The following GPR151 variants were observed in gnomAD, a reference collection of about 807,000 sequenced individuals.
The protein encoded by GPR151 is G protein-coupled receptor 151, also known as G-protein coupled receptor PGR7.
A neutral mutation model predicts 18.2 loss-of-function variants in GPR151; 16 were observed. The observed-to-expected ratio is 0.88, with a 90% CI of 0.60 to 1.34. The LOEUF (loss-of-function observed/expected upper bound fraction) is 1.34. Among genes scored for constraint, GPR151 ranks in the 40% most tolerant of loss-of-function variants. The pLI is 0.00. For synonymous variants in GPR151, 202 were observed against 191.2 expected (o/e 1.06, Z -0.47); for missense variants, 509 against 504.3 (o/e 1.01, Z -0.09).
Position 146,515,239 on chromosome 5 carries a change from T to G in GPR151, c.875A>C (p.Gln292Pro). 1.9e-6 allele frequency: 3 copies of G among 1,614,056 alleles called. No individual in the cohort carries two copies. Among genetic ancestry groups the G allele is most frequent in the Non-Finnish European group, 2.5e-6 (3 of 1,179,992 alleles). Residue 292 changes from glutamine to proline, a missense_variant, in exon 1 of 1, where the codon CAA becomes CCA. Transcript: ENST00000311104. Reference protein sequence around the residue: ...APPQGFIALSQVLMFSISSAN... With the variant: ...APPQGFIALSPVLMFSISSAN... The stretch of plus-strand genomic sequence containing the variant: ...TGAAGAGATGGAAAACATCAAGACT[T>G]GAGACAGGGCTATGAAACCTTGTGG...
Position 146,515,070 on chromosome 5 carries a change from G to A in GPR151, c.1044C>T (p.Asp348=), listed in dbSNP as rs778872734. 1.2e-6 allele frequency: 2 copies of A among 1,614,172 alleles called. No individual in the cohort carries two copies. Among genetic ancestry groups the A allele is most frequent in the Non-Finnish European group, 1.7e-6 (2 of 1,180,012 alleles). Residue 348 remains aspartate (D), a synonymous_variant, in exon 1 of 1, where the codon GAC becomes GAT. Coordinates refer to ENST00000311104, the MANE Select transcript of GPR151 (RefSeq NM_194251.3). ...TPAGNSEGLP[D]KVPSPESPAS... is the part of the protein sequence containing the mutation. Reference sequence around the variant, plus strand: ...CTGGGGATTCTGGAGATGGAACCTTGTCAGGAAGACCCTCTGAGTTGCCAG... The same window carrying A: ...CTGGGGATTCTGGAGATGGAACCTTATCAGGAAGACCCTCTGAGTTGCCAG...
chr5:146,515,220 G>A lies in GPR151; in HGVS notation c.894C>T (p.Ile298=). The A allele has an allele frequency of 6.2e-7, 1 of 1,614,172 alleles. No homozygotes were observed. The highest frequency in any genetic ancestry group is 8.5e-7 in the Non-Finnish European group (1 of 1,180,032). ...IALSQVLMFS[I]SSANPLIFLV... ...GAAAAATGAGAGGATTTGCTGAAGAGATGGAAAACATCAAGACTTGAGACA... is the reference window on the plus strand; with the variant it reads ...GAAAAATGAGAGGATTTGCTGAAGAAATGGAAAACATCAAGACTTGAGACA... The change falls in exon 1 of 1, where the codon ATC becomes ATT. Residue 298 remains isoleucine, a synonymous_variant. Transcript: ENST00000311104.
In GPR151 at chr5:146,514,449, T is replaced by G. The variant is rs1443078507; in HGVS notation, c.*405A>C. ...TGAAATACAATTTAGTAGGTAAAAT[T>G]AGGACTAGCAGGTCCTGGGTGAAAC... On this transcript the variant is annotated 3_prime_UTR_variant, in exon 1 of 1. Coordinates refer to ENST00000311104, the MANE Select transcript of GPR151 (RefSeq NM_194251.3). 6.1e-6 allele frequency: 1 copy of G among 162,846 alleles called. No individual in the cohort carries two copies. The highest frequency in any genetic ancestry group is 1.3e-5 in the Non-Finnish European group (1 of 75,390). 10.1% of individuals were successfully genotyped at this position (162,846 alleles called of 1,614,324 possible).
At position 146,513,254 on chromosome 5, in the gene GPR151, A is replaced by G. The variant is rs1768544112; in HGVS notation, c.*1600T>C. The stretch of plus-strand genomic sequence containing the variant: ...AATGATAATCCTTTTTATAACTACC[A>G]TATCACAAGACAATATTTTGGATTC... On this transcript the variant is annotated 3_prime_UTR_variant, in exon 1 of 1. Transcript: ENST00000311104. 6.6e-6 allele frequency: 1 copy of G among 152,212 alleles called. No homozygotes were observed. Among genetic ancestry groups the G allele is most frequent in the Admixed American group, 6.5e-5 (1 of 15,284 alleles). The allele number at this position is 152,212 out of a possible 1,614,324, so 9.4% of individuals were successfully genotyped here.
At position 146,515,323 on chromosome 5, in the gene GPR151, A is replaced by G. The variant is rs779193464; in HGVS notation, c.791T>C (p.Leu264Pro). 54 of 1,614,022 alleles carry G rather than the reference A, an allele frequency of 3.3e-5. No homozygotes were observed. The highest frequency in any genetic ancestry group is 4.4e-5 in the Non-Finnish European group (52 of 1,180,034). Residue 264 changes from leucine to proline, a missense_variant, in exon 1 of 1, where the codon CTC becomes CCC. Coordinates refer to ENST00000311104, the MANE Select transcript of GPR151 (RefSeq NM_194251.3). ...CCACAGCCAAGCTACCCATTCGGGGAGCCACAAGAGAGCAGAGATGATGGC... is the reference window on the plus strand; with the variant it reads ...CCACAGCCAAGCTACCCATTCGGGGGGCCACAAGAGAGCAGAGATGATGGC... ...SIAIISALLW[L>P]PEWVAWLWVW... is the part of the protein sequence containing the mutation.
chr5:146,515,308 G>A lies in GPR151; in HGVS notation c.806C>T (p.Ala269Val). 1 of 1,614,170 alleles carries A rather than the reference G, an allele frequency of 6.2e-7. No individual in the cohort carries two copies. The highest frequency in any genetic ancestry group is 8.5e-7 in the Non-Finnish European group (1 of 1,180,034). The change falls in exon 1 of 1, where the codon GCT becomes GTT. Residue 269 changes from alanine (A) to valine (V), a missense_variant. Physicochemically the swap from Ala to Val is moderately conservative, Grantham distance 64. Transcript: ENST00000311104. ...SALLWLPEWV[A>V]WLWVWHLKAA... ...CTTCAGATGCCATACCCACAGCCAA[G>A]CTACCCATTCGGGGAGCCACAAGAG...
At position 146,515,082 on chromosome 5, in the gene GPR151, C is replaced by T; in HGVS notation, c.1032G>A (p.Glu344=). Reference sequence around the variant, plus strand: ...GAGATGGAACCTTGTCAGGAAGACCCTCTGAGTTGCCAGCTGGTGTTTCCT... The same window carrying T: ...GAGATGGAACCTTGTCAGGAAGACCTTCTGAGTTGCCAGCTGGTGTTTCCT... ...ESQETPAGNS[E]GLPDKVPSPE... Residue 344 remains glutamate, a synonymous_variant, in exon 1 of 1, where the codon GAG becomes GAA. Transcript: ENST00000311104. The T allele has an allele frequency of 1.9e-6, 3 of 1,614,150 alleles. No homozygotes were observed. Among genetic ancestry groups the T allele is most frequent in the East Asian group, 2.2e-5 (1 of 44,876 alleles).
rs894526763 is a variant in GPR151, at chr5:146,514,680, C to A, written c.*174G>T. ...AGTTCTAATTCTGAAACAATTATTA[C>A]TTCTAACATGGTTCTCTACTTACCA... On this transcript the variant is annotated 3_prime_UTR_variant, in exon 1 of 1. Coordinates refer to ENST00000311104, the MANE Select transcript of GPR151 (RefSeq NM_194251.3). 3.7e-6 allele frequency: 2 copies of A among 540,466 alleles called. No homozygotes were observed. The highest frequency in any genetic ancestry group is 6.6e-5 in the South Asian group (2 of 30,476). 33.5% of individuals were successfully genotyped at this position (540,466 alleles called of 1,614,324 possible).
chr5:146,516,047 AGTGGAG>A lies in GPR151; in HGVS notation c.61_66del (p.Leu21_His22del), dbSNP rs746699465. On this transcript the variant is annotated inframe_deletion, in exon 1 of 1. Coordinates refer to ENST00000311104, the MANE Select transcript of GPR151 (RefSeq NM_194251.3). Reference sequence around the variant, plus strand: ...TCAGAGGGCAGGTACCCTCCGGCAAAGTGGAGGTGAGCAAAGGACACATTCATGCTG... The same window carrying A: ...TCAGAGGGCAGGTACCCTCCGGCAAAGTGAGCAAAGGACACATTCATGCTG... The A allele has an allele frequency of 6.2e-7, 1 of 1,614,056 alleles. No individual in the cohort carries two copies. Among genetic ancestry groups the A allele is most frequent in the Non-Finnish European group, 8.5e-7 (1 of 1,180,012 alleles).
Position 146,515,409 on chromosome 5 carries a change from C to A in GPR151, c.705G>T (p.Lys235Asn). ...AYDQCKKRGT[K>N]TQNLRNQIRS... ...GTATCTGGTTTCTAAGATTTTGAGT[C>A]TTAGTTCCTCGTTTTTTACATTGGT... Residue 235 changes from lysine to asparagine, a missense_variant, in exon 1 of 1, where the codon AAG becomes AAT. Coordinates refer to ENST00000311104, the MANE Select transcript of GPR151 (RefSeq NM_194251.3). The A allele has an allele frequency of 6.2e-7, 1 of 1,614,116 alleles. No homozygotes were observed.
rs758402328 is a variant in GPR151 at position 146,514,911 on chromosome 5, G to A, written c.1203C>T (p.Asp401=). The change falls in exon 1 of 1, where the codon GAC becomes GAT. Residue 401 remains aspartate (D), a synonymous_variant. Coordinates refer to ENST00000311104, the MANE Select transcript of GPR151 (RefSeq NM_194251.3). The part of the protein sequence containing the change: ...HERDTVPSVQ[D]NDPIPWEHED... The stretch of plus-strand genomic sequence containing the variant: ...CATGTTCCCAGGGGATAGGGTCATT[G>A]TCCTGTACAGAAGGGACTGTGTCCC... The A allele has an allele frequency of 6.2e-7, 1 of 1,613,734 alleles. No homozygotes were observed. The highest frequency in any genetic ancestry group is 1.1e-5 in the South Asian group (1 of 91,040).
chr5:146,513,363 T>G lies in GPR151; in HGVS notation c.*1491A>C, dbSNP rs1186557008. The G allele has an allele frequency of 6.6e-6, 1 of 152,088 alleles. No individual in the cohort carries two copies. The highest frequency in any genetic ancestry group is 2.4e-5 in the African/African-American group (1 of 41,416). 9.4% of individuals were successfully genotyped at this position (152,088 alleles called of 1,614,324 possible). On this transcript the variant is annotated 3_prime_UTR_variant, in exon 1 of 1. Transcript: ENST00000311104. ...GATGTAAAAAGAATACAGCCCTACC[T>G]CCTGTGTTAAAAAGCAAACTATGAC...
chr5:146,515,435 C>A lies in GPR151; in HGVS notation c.679G>T (p.Asp227Tyr), dbSNP rs1561719165. 2.5e-6 allele frequency: 4 copies of A among 1,613,944 alleles called. No individual in the cohort carries two copies. Among genetic ancestry groups the A allele is most frequent in the Non-Finnish European group, 3.4e-6 (4 of 1,179,998 alleles). ...TTAGTTCCTCGTTTTTTACATTGGT[C>A]ATAAGCTCTCCAGAAATAAAAGCTG... is the stretch of plus-strand genomic sequence containing the variant. Reference protein sequence around the residue: ...FASFYFWRAYDQCKKRGTKTQ... With the variant: ...FASFYFWRAYYQCKKRGTKTQ... The change falls in exon 1 of 1, where the codon GAC (aspartate) becomes TAC (tyrosine). Residue 227 changes from aspartate (D) to tyrosine (Y), a missense_variant. Physicochemically the swap from Asp to Tyr is radical, Grantham distance 160. Transcript: ENST00000311104.
Position 146,514,637 on chromosome 5 carries a change from A to G in GPR151, c.*217T>C. 2.0e-6 allele frequency: 1 copy of G among 499,284 alleles called. No individual in the cohort carries two copies. The allele number at this position is 499,284 out of a possible 1,614,324, so 30.9% of individuals were successfully genotyped here. On this transcript the variant is annotated 3_prime_UTR_variant, in exon 1 of 1. Transcript: ENST00000311104. ...ACAGCAACATCTTTACACAACACTT[A>G]AATTGTTTGGGAAGCCAAGTTCTAA...
rs1239817691 is a variant in GPR151, at chr5:146,515,977, A to G, written c.137T>C (p.Val46Ala). The change falls in exon 1 of 1, where the codon GTC becomes GCC. Residue 46 changes from valine to alanine, a missense_variant. By Grantham distance (64) the Val-to-Ala change is moderately conservative (BLOSUM62 0). Coordinates refer to ENST00000311104, the MANE Select transcript of GPR151 (RefSeq NM_194251.3). ...RTIIPALLVA[V>A]CLVGFVGNLC... The stretch of plus-strand genomic sequence containing the variant: ...GTTTCCCACGAAGCCCACCAGGCAG[A>G]CAGCCACCAAGAGAGCCGGGATGAT... 6 of 1,614,086 alleles carry G rather than the reference A, an allele frequency of 3.7e-6. No individual in the cohort carries two copies. The highest frequency in any genetic ancestry group is 5.1e-6 in the Non-Finnish European group (6 of 1,180,014).
Position 146,515,791 on chromosome 5 carries a change from C to A in GPR151, c.323G>T (p.Trp108Leu), listed in dbSNP as rs746118178. 80 of 1,614,050 alleles carry A rather than the reference C, an allele frequency of 5.0e-5. No homozygotes were observed. Among genetic ancestry groups the A allele is most frequent in the Non-Finnish European group, 6.4e-5 (75 of 1,180,030 alleles). ...CCAGTCAGAGGACTTGCAGACAAAC[C>A]AGCCTAGATCCCAAACACTTTTGGA... is the stretch of plus-strand genomic sequence containing the variant. Reference protein sequence around the residue: ...AYSKSVWDLGWFVCKSSDWFI... With the variant: ...AYSKSVWDLGLFVCKSSDWFI... The change falls in exon 1 of 1, where the codon TGG becomes TTG. Residue 108 changes from tryptophan to leucine, a missense_variant. By Grantham distance (61) the Trp-to-Leu change is moderately conservative (BLOSUM62 -2). Coordinates refer to ENST00000311104, the MANE Select transcript of GPR151 (RefSeq NM_194251.3).
chr5:146,515,341 A>T lies in GPR151; in HGVS notation c.773T>A (p.Ile258Asn). 1 of 1,614,194 alleles carries T rather than the reference A, an allele frequency of 6.2e-7. No individual in the cohort carries two copies. The highest frequency in any genetic ancestry group is 8.5e-7 in the Non-Finnish European group (1 of 1,180,032). Residue 258 changes from isoleucine (I) to asparagine (N), a missense_variant, in exon 1 of 1, where the codon ATC becomes AAC. Transcript: ENST00000311104. ...VTVMLLSIAI[I>N]SALLWLPEWV... ...TTCGGGGAGCCACAAGAGAGCAGAG[A>T]TGATGGCAATGCTCAGCAGCATCAC...
At position 146,515,019 on chromosome 5, in the gene GPR151, G is replaced by A; in HGVS notation, c.1095C>T (p.Pro365=). The change falls in exon 1 of 1, where the codon CCC becomes CCT. Residue 365 remains proline (P), a synonymous_variant. Transcript: ENST00000311104. ...SPASIPEKEK[P]SSPSSGKGKT... Reference sequence around the variant, plus strand: ...TCCCTTTGCCAGAGGAGGGAGAGCTGGGTTTCTCTTTTTCTGGTATGGATG... The same window carrying A: ...TCCCTTTGCCAGAGGAGGGAGAGCTAGGTTTCTCTTTTTCTGGTATGGATG... The A allele has an allele frequency of 5.0e-6, 8 of 1,614,118 alleles. No homozygotes were observed. The highest frequency in any genetic ancestry group is 6.8e-6 in the Non-Finnish European group (8 of 1,180,010).
In GPR151 at chr5:146,515,963, A is replaced by G. The variant is rs1162073529; in HGVS notation, c.151T>C (p.Phe51Leu). 14 of 1,614,134 alleles carry G rather than the reference A, an allele frequency of 8.7e-6. No homozygotes were observed. The highest frequency in any genetic ancestry group is 2.2e-5 in the East Asian group (1 of 44,874). Residue 51 changes from phenylalanine to leucine, a missense_variant, in exon 1 of 1, where the codon TTC becomes CTC. Physicochemically the swap from Phe to Leu is conservative, Grantham distance 22. Transcript: ENST00000311104. ...ALLVAVCLVGFVGNLCVIGIL... is the reference protein window; with the variant it reads ...ALLVAVCLVGLVGNLCVIGIL... Reference sequence around the variant, plus strand: ...CCAATCACACACAGGTTTCCCACGAAGCCCACCAGGCAGACAGCCACCAAG... The same window carrying G: ...CCAATCACACACAGGTTTCCCACGAGGCCCACCAGGCAGACAGCCACCAAG...
Sources: allele counts gnomAD v4.1 joint callset, GRCh38; gene constraint gnomAD v4.1.1; transcripts MANE v1.5; gene names NCBI Gene and HGNC (gene_info 2026-07-23, HGNC 2026-07-21).